Variants in FAT1 observed in about 807,000 individuals in gnomAD.
The protein encoded by FAT1 is FAT atypical cadherin 1.
FAT1 carries 171 observed loss-of-function variants against 329.8 expected under a neutral mutation model. The ratio of observed to expected loss-of-function variants is 0.52; its 90% CI spans 0.46 to 0.59. The LOEUF is 0.59. FAT1 is among the 20% of genes least tolerant of loss of function. The probability of loss-of-function intolerance (pLI) is 0.00; values close to 1 mark genes in which losing one functional copy is unlikely to be tolerated. For missense variants in FAT1, 5,672 were observed against 5,774.4 expected (o/e 0.98, Z 0.57); for synonymous variants, 2,233 against 2,228.6 (o/e 1.00, Z -0.06).
At chr4:186,714,665 C>T (rs543052573) in intron 1 of FAT1, among the ~76,000 whole-genome samples, 2 of 151,978 alleles carry the variant, frequency 1.3e-5, no homozygotes, top group African/African-American at 2.4e-5. Flanking sequence ...GGGGAGATGT[C>T]GGCCACTGAG....
intron 18 of FAT1, 103 bp downstream of exon 18, chr4:186,604,274 G>T: frequency 1.0e-6 from 1 of 993,960 alleles, no homozygotes; most frequent in Non-Finnish European, 1.5e-6. Context: ...ATGAAAGTTT[G>T]TTTTTGTATG....
chr4:186,688,580 G>A (rs1378964044), intron 2 of FAT1, among the ~76,000 whole-genome samples: 4 of 151,952 alleles, frequency 2.6e-5, no homozygotes, highest in Non-Finnish European at 4.4e-5. Context: ...GAAGGGGGAC[G>A]CAATTCAAGC....
At chr4:186,628,836 C>T (rs781393050) in intron 7 of FAT1, 73 bp from the exon 8 acceptor site, 9 of 1,431,142 alleles carry the variant, frequency 6.3e-6, no homozygotes, top group South Asian at 1.4e-5. Flanking sequence ...GAACCATGAA[C>T]GAAAGTCATG....
intron 26 of FAT1, among the ~76,000 whole-genome samples, chr4:186,594,676 G>GTATA (rs60074549): frequency 0.054 from 6,889 of 128,158 alleles, 273 homozygotes; most frequent in African/African-American, 0.11. Context: ...ATACTTGAAA[G>GTATA]TATATATATA....
In FAT1 at chr4:186,706,612, G is replaced by GA; in HGVS notation, c.3215_3216insT (p.Ile1073HisfsTer2). 6.2e-7 allele frequency: 1 copy of GA among 1,613,914 alleles called. No homozygotes were observed. Among genetic ancestry groups the GA allele is most frequent in the East Asian group, 2.2e-5 (1 of 44,872 alleles). On this transcript the variant is annotated frameshift_variant, in exon 2 of 27. Coordinates refer to ENST00000441802, the MANE Select transcript of FAT1 (RefSeq NM_005245.4). LOFTEE classifies it high-confidence loss of function. ...CACCAACGCCAGAGCCATCTCTAATGGAGTATCGGATCTCCCCATCTCTTC... is the reference window on the plus strand; with the variant it reads ...CACCAACGCCAGAGCCATCTCTAATGAGAGTATCGGATCTCCCCATCTCTTC...
At chr4:186,590,580 A>G (rs1216334044) in intron 26 of FAT1, 1 of 460,642 alleles carries the variant, frequency 2.2e-6, no homozygotes, top group Admixed American at 2.3e-5. Context: ...AAATGTATGT[A>G]CCACAAATAA....
chr4:186,593,607 G>C (rs1052823200), intron 26 of FAT1, among the ~76,000 whole-genome samples: 6 of 152,270 alleles, frequency 3.9e-5, no homozygotes, highest in Non-Finnish European at 7.4e-5. Flanking sequence ...GTTACGGCTG[G>C]GGGGAGCTCT....
chr4:186,596,996 C>T lies in FAT1; in HGVS notation c.12544G>A (p.Gly4182Arg), dbSNP rs2126393122. ...GCAACAAACACAACGATTCCAATTCCTTCCGCCAACCCAATGTTCCACGGC... is the reference window on the plus strand; with the variant it reads ...GCAACAAACACAACGATTCCAATTCTTTCCGCCAACCCAATGTTCCACGGC... ...STPWNIGLAE[G>R]IGIVVFVAGI... Residue 4182 changes from glycine to arginine, a missense_variant, in exon 25 of 27, where the codon GGA becomes AGA. Coordinates refer to ENST00000441802, the MANE Select transcript of FAT1 (RefSeq NM_005245.4). This position sits in a 1 kb window ranked among gnomAD's most constrained non-coding sequence, Gnocchi z 4.7. 1.2e-6 allele frequency: 2 copies of T among 1,614,024 alleles called. No homozygotes were observed. The highest frequency in any genetic ancestry group is 1.7e-6 in the Non-Finnish European group (2 of 1,179,890).
chr4:186,671,423 C>G (rs62350426), intron 2 of FAT1, among the ~76,000 whole-genome samples: 1 of 152,092 alleles, frequency 6.6e-6, no homozygotes, highest in African/African-American at 2.4e-5. Flanking sequence ...CTGGGCCGGG[C>G]ATGGTGGCTC....
At chr4:186,659,481 T>A (rs2126609423) in intron 3 of FAT1, among the ~76,000 whole-genome samples, 1 of 152,348 alleles carries the variant, frequency 6.6e-6, no homozygotes, top group South Asian at 2.1e-4. Flanking sequence ...AGGCACAAGT[T>A]TATCAGTCTA....
At chr4:186,617,345 GCCTT>G in intron 10 of FAT1, 144 bp from the exon 11 acceptor site, 1 of 642,356 alleles carries the variant, frequency 1.6e-6, no homozygotes, top group South Asian at 2.8e-5. Flanking sequence ...GCATATATTA[GCCTT>G]CCAATTTACA....
At chr4:186,684,765 G>C (rs1003094716) in intron 2 of FAT1, among the ~76,000 whole-genome samples, 2 of 151,970 alleles carry the variant, frequency 1.3e-5, no homozygotes, top group Non-Finnish European at 2.9e-5. Flanking sequence ...GGTAACAATT[G>C]TTTTAATTTA....
chr4:186,636,470 G>C, intron 5 of FAT1, 115 bp downstream of exon 5: 1 of 1,166,588 alleles, frequency 8.6e-7, no homozygotes, highest in South Asian at 1.5e-5. Context: ...GGGCCAGCAG[G>C]TCACAAACAC....
In FAT1 at chr4:186,616,929, G is replaced by A. The variant is rs571563871; in HGVS notation, c.9075+76C>T. The stretch of plus-strand genomic sequence containing the variant: ...AAACACATGTGAATTACACCACAGC[G>A]CCAAATGATGGTCCCATTGAAAGAA... On this transcript the variant is annotated intron_variant, in intron 11 of 26. Transcript: ENST00000441802. 36 of 1,314,488 alleles carry A rather than the reference G, an allele frequency of 2.7e-5. 1 individual carries two copies. In the South Asian group the frequency reaches 3.8e-4, roughly 14 times the overall value. 81.4% of individuals were successfully genotyped at this position (1,314,488 alleles called of 1,614,324 possible).
intron 2 of FAT1, among the ~76,000 whole-genome samples, chr4:186,687,289 T>C (rs1743517995): frequency 1.3e-5 from 2 of 152,220 alleles, no homozygotes. Context: ...TCTGCCATCA[T>C]TTTGATTTCT....
intron 3 of FAT1, among the ~76,000 whole-genome samples, chr4:186,640,207 T>G (rs1027567573): frequency 6.6e-6 from 1 of 152,190 alleles, no homozygotes; most frequent in Non-Finnish European, 1.5e-5. Flanking sequence ...AGAAAGAAAT[T>G]TCTTACTAAA....
rs553945787 is a variant in FAT1, at chr4:186,587,975, T to C, written c.*617A>G. 1 of 216,782 alleles carries C rather than the reference T, an allele frequency of 4.6e-6. No homozygotes were observed. The highest frequency in any genetic ancestry group is 6.9e-5 in the East Asian group (1 of 14,418). The allele number at this position is 216,782 out of a possible 1,614,324, so 13.4% of individuals were successfully genotyped here. ...ACACTTTCCAATAATGAAAAATGTT[T>C]ATAATTCTAAATACAGCAACCCATG... On this transcript the variant is annotated 3_prime_UTR_variant, in exon 27 of 27. Coordinates refer to ENST00000441802, the MANE Select transcript of FAT1 (RefSeq NM_005245.4).
chr4:186,720,896 A>G (rs1745443608), intron 1 of FAT1, among the ~76,000 whole-genome samples: 1 of 152,254 alleles, frequency 6.6e-6, no homozygotes, highest in South Asian at 2.1e-4. Context: ...CATCCTTCTC[A>G]AATTAACAGA....
intron 26 of FAT1, chr4:186,590,418 G>GT: frequency 7.8e-7 from 1 of 1,288,356 alleles, no homozygotes; most frequent in Non-Finnish European, 1.0e-6. Flanking sequence ...TGGTGGCAGA[G>GT]TAGAAAAAAA....
Sources: allele counts gnomAD v4.1 joint callset (sites outside exome capture counted in the v4.1 genomes callset), GRCh38; gene constraint gnomAD v4.1.1; non-coding constraint Gnocchi (gnomAD v3.1); transcripts MANE v1.5; gene names NCBI Gene and HGNC (gene_info 2026-07-23, HGNC 2026-07-21).